ABCB5: variants seen among roughly 807,000 people sequenced by gnomAD.
The protein encoded by ABCB5 is ATP binding cassette subfamily B member 5, also known as ATP-binding cassette sub-family B member 5.
Under a neutral mutation model 144.2 loss-of-function variants are expected in ABCB5, and 155 were observed. The ratio of observed to expected loss-of-function variants is 1.08; its 90% confidence interval spans 0.94 to 1.23. The LOEUF (loss-of-function observed/expected upper bound fraction) is 1.23. Ranked by LOEUF, ABCB5 falls within the 50% of genes most tolerant of loss-of-function variation. The probability of loss-of-function intolerance (pLI) is 0.00; values close to 1 mark genes in which losing one functional copy is unlikely to be tolerated. For missense variants in ABCB5, 1,830 were observed against 1,520.8 expected, an observed-to-expected ratio of 1.20 and a Z score of -3.38; for synonymous variants, 610 against 528.6, an observed-to-expected ratio of 1.15 and a Z score of -2.11.
chr7:20,656,409 T>A (rs560912597), intron 13 of ABCB5, among the ~76,000 whole-genome samples: 3 of 152,232 alleles, frequency 2.0e-5, no homozygotes, highest in Non-Finnish European at 2.9e-5. Flanking sequence ...AGAACTGCTA[T>A]AGCTTGATGA....
At chr7:20,750,190 T>A (rs1782872968) in intron 26 of ABCB5, among the ~76,000 whole-genome samples, 1 of 152,088 alleles carries the variant, frequency 6.6e-6, no homozygotes, top group Non-Finnish European at 1.5e-5. Flanking sequence ...CAGGGATAGG[T>A]TTTGAAGGCC....
intron 7 of ABCB5, among the ~76,000 whole-genome samples, chr7:20,644,104 G>A (rs1261781559): frequency 7.6e-6 from 1 of 131,314 alleles, no homozygotes; most frequent in African/African-American, 2.9e-5. Context: ...TTTTTTTTTT[G>A]AGGCAAGGTC....
chr7:20,736,912 G>A (rs972859186), intron 23 of ABCB5, among the ~76,000 whole-genome samples: 15 of 152,244 alleles, frequency 9.9e-5, no homozygotes, highest in East Asian at 7.8e-4. Context: ...TCCCTAGGCC[G>A]GGCGCAGTGG....
In ABCB5 at chr7:20,647,610, C is replaced by A; in HGVS notation, c.1057C>A (p.Arg353=). Residue 353 remains arginine, a synonymous_variant, in exon 10 of 28, where the codon CGA becomes AGA. Transcript: ENST00000404938. ...VPHFETFAIA[R]GAAFHIFQVI... The stretch of plus-strand genomic sequence containing the variant: ...TCACTTTGAAACCTTCGCAATAGCC[C>A]GAGGAGCTGCCTTTCATATTTTCCA... 6.3e-7 allele frequency: 1 copy of A among 1,583,028 alleles called. No individual in the cohort carries two copies.
chr7:20,676,677 C>T (rs945169971), intron 14 of ABCB5, among the ~76,000 whole-genome samples: 1 of 152,170 alleles, frequency 6.6e-6, no homozygotes, highest in African/African-American at 2.4e-5. Context: ...AACACTACAA[C>T]ATTGTGCCTA....
At chr7:20,750,761 C>T (rs1038524264) in intron 26 of ABCB5, among the ~76,000 whole-genome samples, 3 of 150,654 alleles carry the variant, frequency 2.0e-5, no homozygotes, top group Non-Finnish European at 4.4e-5. Flanking sequence ...CGGCTCAAAC[C>T]AGAAGGGTGC....
intron 14 of ABCB5, among the ~76,000 whole-genome samples, chr7:20,673,428 T>C (rs188347197): frequency 2.6e-5 from 4 of 152,214 alleles, no homozygotes; most frequent in Non-Finnish European, 4.4e-5. Context: ...TGGTGTCATG[T>C]ATTTTAGAAC....
At chr7:20,615,940 G>A (rs1305747259) in intron 1 of ABCB5, 103 bp downstream of exon 1, 1 of 152,240 alleles carries the variant, frequency 6.6e-6, no homozygotes, top group African/African-American at 2.4e-5. Context: ...GGTAAAGATG[G>A]AAACAAAAAT....
At chr7:20,734,691 C>T (rs1782328600) in intron 23 of ABCB5, among the ~76,000 whole-genome samples, 1 of 151,892 alleles carries the variant, frequency 6.6e-6, no homozygotes, top group African/African-American at 2.4e-5. Context: ...ATGGTAGAAG[C>T]CGTCTCTATT....
chr7:20,706,324 AT>A (rs1440341363), intron 20 of ABCB5, among the ~76,000 whole-genome samples: 1 of 152,100 alleles, frequency 6.6e-6, no homozygotes, highest in African/African-American at 2.4e-5. Flanking sequence ...TATATTTCAA[AT>A]CTTTTCGGAA....
At chr7:20,668,880 C>T (rs1785340490) in intron 14 of ABCB5, among the ~76,000 whole-genome samples, 1 of 121,418 alleles carries the variant, frequency 8.2e-6, no homozygotes, top group Admixed American at 7.8e-5. Context: ...AGCCGGCCGC[C>T]CCGTCCGGGA....
At chr7:20,628,608 G>C (rs1783961469) in intron 3 of ABCB5, 80 bp from the exon 4 acceptor site, 7 of 1,423,796 alleles carry the variant, frequency 4.9e-6, no homozygotes, top group Admixed American at 4.2e-5. Context: ...AAAGGCTGTA[G>C]GCTGTTGTGT....
chr7:20,743,404 T>C (rs1182200194), intron 25 of ABCB5, among the ~76,000 whole-genome samples: 7 of 152,092 alleles, frequency 4.6e-5, no homozygotes, highest in African/African-American at 1.7e-4. Context: ...TCTGTTGTGG[T>C]TTAAGACAGA....
chr7:20,752,461 G>T (rs777846002), intron 26 of ABCB5, among the ~76,000 whole-genome samples: 18 of 152,230 alleles, frequency 1.2e-4, no homozygotes, highest in Non-Finnish European at 1.6e-4. Context: ...GAGAAATTGG[G>T]TTATTAGTAA....
intron 20 of ABCB5, among the ~76,000 whole-genome samples, chr7:20,720,902 C>T (rs111613242): frequency 0.026 from 3,703 of 140,806 alleles, 141 homozygotes; most frequent in African/African-American, 0.094. Context: ...CGAGATCGCG[C>T]CACTGCACTC....
chr7:20,632,154 A>T (rs1583379969), intron 5 of ABCB5, 41 bp downstream of exon 5: 1 of 1,344,318 alleles, frequency 7.4e-7, no homozygotes, highest in East Asian at 2.6e-5. Flanking sequence ...TCGTTGAATG[A>T]TGCTTTATTT....
intron 14 of ABCB5, among the ~76,000 whole-genome samples, chr7:20,665,502 C>T (rs1238353998): frequency 6.6e-6 from 1 of 152,016 alleles, no homozygotes; most frequent in African/African-American, 2.4e-5. Context: ...TAAAAGATGA[C>T]CAGCTAAAAT....
At chr7:20,722,260 G>A (rs1005887255) in intron 20 of ABCB5, among the ~76,000 whole-genome samples, 3 of 152,182 alleles carry the variant, frequency 2.0e-5, no homozygotes, top group African/African-American at 7.2e-5. Context: ...ATTGCTGGGT[G>A]TTTGGGTGTA....
chr7:20,647,849 A>C (rs769615227), intron 10 of ABCB5, 119 bp from the exon 11 acceptor site: 3 of 1,086,094 alleles, frequency 2.8e-6, no homozygotes, highest in Non-Finnish European at 4.0e-6. Flanking sequence ...AACTCAATGC[A>C]CTTCTAAAGC....
Sources: gnomAD v4.1 joint callset for allele counts (sites outside exome capture counted in the v4.1 genomes callset) on GRCh38, gnomAD v4.1.1 for gene constraint, MANE v1.5 for transcripts, NCBI Gene and HGNC (gene_info 2026-07-23, HGNC 2026-07-21) for gene names.